Variants in SMIM36 observed in about 807,000 individuals in gnomAD.
SMIM36 encodes the protein small integral membrane protein 36.
the SMIM36 span, among the ~76,000 whole-genome samples, chr17:55,530,522 C>A: frequency 5.4e-4 from 82 of 152,300 alleles, no homozygotes; most frequent in Middle Eastern, 0.014. Context: ...CGGTGGCTCA[C>A]GCTTGTAATC....
chr17:55,459,107 C>T (rs958105392), intron 4 of SMIM36, among the ~76,000 whole-genome samples: 15 of 152,142 alleles, frequency 9.9e-5, no homozygotes, highest in African/African-American at 3.4e-4. Context: ...GGGTCGGAGC[C>T]CCACAGCCTG....
chr17:55,520,260 A>G, the SMIM36 span, among the ~76,000 whole-genome samples: 2 of 152,176 alleles, frequency 1.3e-5, no homozygotes, highest in African/African-American at 4.8e-5. Flanking sequence ...CAGAAAATCT[A>G]GTAGAATCTC....
chr17:55,471,425 G>A (rs769684655), intron 3 of SMIM36, among the ~76,000 whole-genome samples: 16 of 151,936 alleles, frequency 1.1e-4, no homozygotes, highest in African/African-American at 2.4e-4. Context: ...TTCCCCTAGC[G>A]TTACCTATCT....
intron 1 of SMIM36, among the ~76,000 whole-genome samples, chr17:55,507,830 A>C (rs1012578397): frequency 2.0e-5 from 3 of 152,162 alleles, no homozygotes; most frequent in African/African-American, 7.2e-5. Context: ...AGTTCAGTCC[A>C]TCAGCCTGCG....
At chr17:55,462,753 C>A (rs1438071762) in intron 4 of SMIM36, among the ~76,000 whole-genome samples, 1 of 152,136 alleles carries the variant, frequency 6.6e-6, no homozygotes, top group Non-Finnish European at 1.5e-5. Flanking sequence ...CAATTCATAA[C>A]ACTTTAATAT....
At chr17:55,514,981 C>T (rs139259396), upstream of SMIM36, among the ~76,000 whole-genome samples, 50 of 151,136 alleles carry the variant, frequency 3.3e-4, no homozygotes, top group Middle Eastern at 0.017. Context: ...GATTATTTCA[C>T]AGTTGAGGAC....
chr17:55,466,632 C>T (rs1042408015), intron 4 of SMIM36, among the ~76,000 whole-genome samples: 3 of 152,148 alleles, frequency 2.0e-5, no homozygotes, highest in Admixed American at 1.3e-4. Context: ...TCCTCTTCAT[C>T]GCACCCTGAG....
intron 1 of SMIM36, among the ~76,000 whole-genome samples, chr17:55,490,064 C>T (rs199670305): frequency 2.6e-5 from 4 of 151,616 alleles, no homozygotes; most frequent in African/African-American, 9.7e-5. Flanking sequence ...ACCATGTTAG[C>T]CAGGATGGGC....
At chr17:55,519,471 A>G in the SMIM36 span, among the ~76,000 whole-genome samples, 4 of 152,168 alleles carry the variant, frequency 2.6e-5, no homozygotes, top group South Asian at 8.3e-4. Flanking sequence ...GCACACTGGG[A>G]GGACTGGCAG....
intron 3 of SMIM36, among the ~76,000 whole-genome samples, chr17:55,477,733 T>G (rs1445627954): frequency 1.3e-5 from 2 of 152,152 alleles, no homozygotes; most frequent in African/African-American, 4.8e-5. Flanking sequence ...GTTTCTCCAC[T>G]TTTAAACTTG....
chr17:55,510,958 G>A (rs1321512118), exon 1 of SMIM36: 3 of 396,914 alleles, frequency 7.6e-6, no homozygotes, highest in South Asian at 1.4e-4. Context: ...TTCATCAAGC[G>A]GGATACATGT....
chr17:55,515,370 GC>G (rs1156915228), upstream of SMIM36, among the ~76,000 whole-genome samples: 2 of 152,050 alleles, frequency 1.3e-5, no homozygotes, highest in African/African-American at 4.8e-5. Context: ...GAGAAATACT[GC>G]CATATTTTGT....
At chr17:55,510,333 A>C (rs1304690571) in intron 1 of SMIM36, among the ~76,000 whole-genome samples, 1 of 152,168 alleles carries the variant, frequency 6.6e-6, no homozygotes, top group East Asian at 1.9e-4. Flanking sequence ...GACTGGGTGC[A>C]GCAGCTCACA....
chr17:55,490,461 C>T, intron 1 of SMIM36, among the ~76,000 whole-genome samples: 1 of 152,132 alleles, frequency 6.6e-6, no homozygotes, highest in East Asian at 1.9e-4. Flanking sequence ...CCTGACAGCT[C>T]ATGTTCTAAA....
chr17:55,511,025 G>A (rs1233203268), exon 1 of SMIM36: 2 of 397,982 alleles, frequency 5.0e-6, no homozygotes, highest in Middle Eastern at 6.2e-4. Flanking sequence ...AAGTCTAGTG[G>A]TCTCTCCCCA....
In SMIM36 at chr17:55,490,884, A is replaced by AT. The variant is rs11347463; in HGVS notation, c.*175-11305dup. 7.1e-3 allele frequency among the ~76,000 whole-genome samples: 1,055 copies of AT among 147,814 alleles called. 7 individuals are homozygous for AT. Among genetic ancestry groups the AT allele is most frequent in the African/African-American group, 0.01 (401 of 40,066 alleles). ...GGTAATGGGATTATGGGTGATTTCC[A>AT]TTTTTTTTTTTTCTCTACACTTTGC... On this transcript the variant is annotated intron_variant, in intron 1 of 4. Coordinates refer to ENST00000636752, the Ensembl canonical transcript of SMIM36.
intron 4 of SMIM36, among the ~76,000 whole-genome samples, chr17:55,456,958 T>G (rs1031794311): frequency 2.6e-5 from 4 of 152,228 alleles, no homozygotes; most frequent in African/African-American, 9.6e-5. Flanking sequence ...AGCATTTTGA[T>G]AAATCCTACA....
chr17:55,529,288 C>A, the SMIM36 span, among the ~76,000 whole-genome samples: 2 of 152,112 alleles, frequency 1.3e-5, no homozygotes, highest in Non-Finnish European at 2.9e-5. Context: ...CCAAATTTTG[C>A]CCAACAACTC....
the SMIM36 span, among the ~76,000 whole-genome samples, chr17:55,529,072 T>C: frequency 6.6e-6 from 1 of 152,214 alleles, no homozygotes; most frequent in Admixed American, 6.5e-5. Flanking sequence ...TTCAGATGTT[T>C]GTTCTGGGTC....
Sources: allele counts gnomAD v4.1 joint callset (sites outside exome capture counted in the v4.1 genomes callset), GRCh38; gene constraint gnomAD v4.1.1; transcripts MANE v1.5; gene names NCBI Gene and HGNC (gene_info 2026-07-23, HGNC 2026-07-21).